Variants in UTRN observed in about 807,000 individuals in gnomAD.
UTRN encodes dystrophin-related protein 1.
Under a neutral mutation model 463.9 loss-of-function variants are expected in UTRN, and 283 were observed. The ratio of observed to expected loss-of-function variants is 0.61; its 90% CI spans 0.55 to 0.67. The LOEUF (loss-of-function observed/expected upper bound fraction) is 0.67. Ranked by LOEUF, UTRN falls within the 30% of genes least tolerant of loss-of-function variation. UTRN has a pLI of 0.00. For missense variants in UTRN, 3,922 were observed against 4,084.3 expected (o/e 0.96, Z 1.08); for synonymous variants, 1,442 against 1,431.5 (o/e 1.01, Z -0.17).
chr6:144,318,139 G>A (rs1457296672), intron 2 of UTRN, among the ~76,000 whole-genome samples: 1 of 151,916 alleles, frequency 6.6e-6, no homozygotes, highest in Admixed American at 6.6e-5. Context: ...TACTGTTAAC[G>A]ATGAAGTGCT....
intron 61 of UTRN, among the ~76,000 whole-genome samples, chr6:144,786,749 T>C (rs952487975): frequency 3.3e-5 from 5 of 152,200 alleles, no homozygotes; most frequent in African/African-American, 1.2e-4. Flanking sequence ...AACTAATGAC[T>C]ACCTAGACTA....
At chr6:144,813,518 A>G (rs1334061433) in intron 65 of UTRN, among the ~76,000 whole-genome samples, 1 of 152,160 alleles carries the variant, frequency 6.6e-6, no homozygotes, top group East Asian at 1.9e-4. Context: ...TGCCTTTGCC[A>G]TTTTCCTTCC....
intron 2 of UTRN, among the ~76,000 whole-genome samples, chr6:144,367,850 C>A (rs150977264): frequency 6.6e-6 from 1 of 152,086 alleles, no homozygotes; most frequent in Admixed American, 6.5e-5. Context: ...AGTGCGATCT[C>A]GGCTCACTCC....
At chr6:144,419,693 A>C (rs991262469) in intron 3 of UTRN, among the ~76,000 whole-genome samples, 1 of 152,174 alleles carries the variant, frequency 6.6e-6, no homozygotes, top group Non-Finnish European at 1.5e-5. Context: ...CTTGTAAAAA[A>C]CTAAATAAAG....
chr6:144,740,857 C>A lies in UTRN; in HGVS notation c.7940-7389C>A, dbSNP rs565557253. 7.1e-4 allele frequency among the ~76,000 whole-genome samples: 108 copies of A among 152,258 alleles called. 1 individual carries two copies. The highest frequency in any genetic ancestry group is 1.3e-3 in the Non-Finnish European group (86 of 68,024). On this transcript the variant is annotated intron_variant, in intron 54 of 74. Coordinates refer to ENST00000367545, the MANE Select transcript of UTRN (RefSeq NM_007124.3). ...ATTTGTTTGATAGACATAGCATTTT[C>A]AATTAATTGTTTACCATCTGTTATG...
chr6:144,762,272 T>C (rs901715866), intron 58 of UTRN, among the ~76,000 whole-genome samples: 6 of 152,218 alleles, frequency 3.9e-5, no homozygotes, highest in Non-Finnish European at 7.3e-5. Flanking sequence ...TATGCGGTGC[T>C]GTGTCCTGGC....
chr6:144,493,193 T>A, intron 32 of UTRN, 108 bp from the exon 33 acceptor site: 1 of 1,035,346 alleles, frequency 9.7e-7, no homozygotes, highest in South Asian at 1.7e-5. Flanking sequence ...TTGATCACCA[T>A]AGTTAGGTCT....
At chr6:144,574,310 T>C (rs904711690) in intron 50 of UTRN, among the ~76,000 whole-genome samples, 2 of 152,202 alleles carry the variant, frequency 1.3e-5, no homozygotes, top group Non-Finnish European at 2.9e-5. Flanking sequence ...AAGAATGTCA[T>C]ATAAACAGAA....
At chr6:144,433,402 C>T (rs1452693026) in intron 9 of UTRN, among the ~76,000 whole-genome samples, 3 of 150,724 alleles carry the variant, frequency 2.0e-5, no homozygotes, top group Admixed American at 6.6e-5. Flanking sequence ...GGCTGCCGGG[C>T]GGAGACGCTC....
intron 61 of UTRN, among the ~76,000 whole-genome samples, chr6:144,788,938 C>G (rs1050667536): frequency 2.0e-5 from 3 of 152,144 alleles, no homozygotes; most frequent in Non-Finnish European, 2.9e-5. Context: ...GTTCGTTCTT[C>G]TTAGTTTATG....
chr6:144,498,110 A>C (rs1490586162), intron 33 of UTRN, among the ~76,000 whole-genome samples: 1 of 152,250 alleles, frequency 6.6e-6, no homozygotes, highest in African/African-American at 2.4e-5. Flanking sequence ...GTTAAATATG[A>C]TGTCCACATA....
chr6:144,733,925 A>T (rs969898140), intron 54 of UTRN, among the ~76,000 whole-genome samples: 3 of 152,150 alleles, frequency 2.0e-5, no homozygotes, highest in Admixed American at 2.0e-4. Context: ...TGAGGAATCC[A>T]GTTTTGAGCA....
At chr6:144,749,959 T>C (rs1466480287) in intron 55 of UTRN, among the ~76,000 whole-genome samples, 1 of 152,158 alleles carries the variant, frequency 6.6e-6, no homozygotes, top group Non-Finnish European at 1.5e-5. Flanking sequence ...CTTTAATAGA[T>C]AAAAATAAAA....
chr6:144,791,623 A>G (rs1484421823), intron 62 of UTRN, among the ~76,000 whole-genome samples: 1 of 151,546 alleles, frequency 6.6e-6, no homozygotes, highest in African/African-American at 2.4e-5. Context: ...TATCATTAGT[A>G]TCTCTTCTGT....
Position 144,836,047 on chromosome 6 carries a change from G to A in UTRN, c.9824+109G>A, listed in dbSNP as rs1586770625. ...AGACTATTGTCTAAGAAATCTCAGT[G>A]GAGTGAAAATTTTAGAGGCTATTAA... is the stretch of plus-strand genomic sequence containing the variant. On this transcript the variant is annotated intron_variant, in intron 70 of 74. Transcript: ENST00000367545. 3.3e-6 allele frequency: 5 copies of A among 1,499,616 alleles called. No individual in the cohort carries two copies. In the East Asian group the frequency reaches 1.1e-4, roughly 34 times the overall value. The allele number at this position is 1,499,616 out of a possible 1,614,324, so 92.9% of individuals were successfully genotyped here.
intron 3 of UTRN, among the ~76,000 whole-genome samples, chr6:144,404,722 T>G (rs1416491597): frequency 6.6e-6 from 1 of 152,178 alleles, no homozygotes; most frequent in East Asian, 1.9e-4. Context: ...TTTACCTATT[T>G]ATGAAAATGG....
intron 51 of UTRN, among the ~76,000 whole-genome samples, chr6:144,622,063 A>G (rs1198493471): frequency 6.6e-6 from 1 of 152,000 alleles, no homozygotes; most frequent in Non-Finnish European, 1.5e-5. Context: ...TTCTTCATGA[A>G]ATTTTAATAA....
At chr6:144,817,597 A>T (rs1424883151) in intron 65 of UTRN, among the ~76,000 whole-genome samples, 2 of 152,144 alleles carry the variant, frequency 1.3e-5, no homozygotes, top group Admixed American at 6.5e-5. Context: ...ATTATATAAT[A>T]AAAATCAAAT....
At chr6:144,650,952 C>A (rs1027677135) in intron 51 of UTRN, among the ~76,000 whole-genome samples, 2 of 151,832 alleles carry the variant, frequency 1.3e-5, no homozygotes, top group Non-Finnish European at 2.9e-5. Context: ...ATTGATAAAT[C>A]TTTATGTAAC....
Sources: gnomAD v4.1 joint callset for allele counts (sites outside exome capture counted in the v4.1 genomes callset) on GRCh38, gnomAD v4.1.1 for gene constraint, MANE v1.5 for transcripts, NCBI Gene and HGNC (gene_info 2026-07-23, HGNC 2026-07-21) for gene names.